The following DAB1 variants were observed in gnomAD, a reference collection of about 807,000 sequenced individuals.
The protein encoded by DAB1 is disabled homolog 1.
In DAB1, 15 loss-of-function variants were observed where a neutral mutation model predicts 64.6. That is an observed-to-expected ratio of 0.23 (90% CI 0.16 to 0.36). DAB1 has a LOEUF of 0.36. Ranked by LOEUF, DAB1 falls within the 10% of genes least tolerant of loss-of-function variation. The pLI is 1.00. For synonymous variants in DAB1, 235 were observed against 251.9 expected, an observed-to-expected ratio of 0.93 and a Z score of 0.64; for missense variants, 596 against 706.7, an observed-to-expected ratio of 0.84 and a Z score of 1.78.
At chr1:57,610,498 C>T (rs1040519237) in intron 7 of DAB1, among the ~76,000 whole-genome samples, 1 of 152,196 alleles carries the variant, frequency 6.6e-6, no homozygotes, top group Non-Finnish European at 1.5e-5. Flanking sequence ...AGTCTGGTTC[C>T]AGAACCTAGG....
chr1:57,247,186 A>C (rs548898948), intron 2 of DAB1, among the ~76,000 whole-genome samples: 1 of 152,296 alleles, frequency 6.6e-6, no homozygotes, highest in Non-Finnish European at 1.5e-5. Flanking sequence ...GTCTCCACTC[A>C]AATCTCATGT....
chr1:57,071,197 A>T, intron 6 of DAB1, 136 bp from the exon 7 acceptor site: 7 of 859,124 alleles, frequency 8.1e-6, no homozygotes, highest in Non-Finnish European at 1.3e-5. Flanking sequence ...CAAGGTAGAA[A>T]AAACACAAAA....
chr1:57,958,750 G>A (rs1645448401), intron 5 of DAB1, among the ~76,000 whole-genome samples: 1 of 152,130 alleles, frequency 6.6e-6, no homozygotes, highest in Non-Finnish European at 1.5e-5. Flanking sequence ...ATGTGATCCA[G>A]GCCTCCCTCC....
chr1:58,330,431 C>T (rs897187757), intron 4 of DAB1, among the ~76,000 whole-genome samples: 3 of 152,212 alleles, frequency 2.0e-5, no homozygotes, highest in Admixed American at 6.5e-5. Context: ...GCAGCAAGTT[C>T]TTCAGAAGAT....
intron 7 of DAB1, among the ~76,000 whole-genome samples, chr1:57,545,416 G>T (rs2101461121): frequency 6.6e-6 from 1 of 152,248 alleles, no homozygotes; most frequent in African/African-American, 2.4e-5. Context: ...TGCTATTTAG[G>T]ATGACTGATT....
chr1:57,484,339 T>C (rs1260013274), intron 7 of DAB1, among the ~76,000 whole-genome samples: 1 of 152,134 alleles, frequency 6.6e-6, no homozygotes, highest in Admixed American at 6.6e-5. Context: ...ATGATCTAAT[T>C]TACCTGTTGT....
rs144422526 is a variant in DAB1, at chr1:57,195,161, T to C, written c.68-49732A>G. Reference sequence around the variant, plus strand: ...TGCTACTGCTGACATAGCACTCTTATTCCTTCATCCATCCATCATGTATTC... The same window carrying C: ...TGCTACTGCTGACATAGCACTCTTACTCCTTCATCCATCCATCATGTATTC... On this transcript the variant is annotated intron_variant, in intron 2 of 14. Coordinates refer to ENST00000371236, the MANE Select transcript of DAB1 (RefSeq NM_001365792.1). 1.4e-4 allele frequency among the ~76,000 whole-genome samples: 21 copies of C among 152,320 alleles called. No homozygotes were observed. In the East Asian group the frequency reaches 3.9e-3, roughly 28 times the overall value.
chr1:57,087,320 G>A (rs776016104), intron 4 of DAB1, among the ~76,000 whole-genome samples: 1 of 152,236 alleles, frequency 6.6e-6, no homozygotes, highest in Non-Finnish European at 1.5e-5. Context: ...TGGGCTGGGG[G>A]ATCACGTAAT....
chr1:57,171,505 ATAATGT>A (rs1181601492), intron 2 of DAB1, among the ~76,000 whole-genome samples: 1 of 132,228 alleles, frequency 7.6e-6, no homozygotes, highest in Non-Finnish European at 1.8e-5. Context: ...GACACTTTAA[ATAATGT>A]TGTTTCAAAA....
At chr1:57,968,237 T>C (rs555806993) in intron 5 of DAB1, among the ~76,000 whole-genome samples, 1 of 152,280 alleles carries the variant, frequency 6.6e-6, no homozygotes, top group East Asian at 1.9e-4. Context: ...CCACTGCTTG[T>C]TGCTTTGCTG....
At chr1:57,650,961 T>C (rs1003028765) in intron 6 of DAB1, among the ~76,000 whole-genome samples, 3 of 152,154 alleles carry the variant, frequency 2.0e-5, no homozygotes, top group Non-Finnish European at 4.4e-5. Flanking sequence ...GTTTGCTGCC[T>C]AAGGGAGGAA....
rs1553173934 is a variant in DAB1 at position 58,300,641 on chromosome 1, AG to A, written n.309+42710del. Among the ~76,000 whole-genome samples, 410 of 58,164 alleles carry A rather than the reference AG, an allele frequency of 7.0e-3. 15 individuals carry two copies. The highest frequency in any genetic ancestry group is 9.2e-3 in the Admixed American group (50 of 5,444). 38.2% of individuals were successfully genotyped at this position (58,164 alleles called of 152,430 possible). Reference sequence around the variant, plus strand: ...GAGAGAGAGAGAGAGAGAGAGAGAGAGAGAGAGGAAGGAAGGAAGGAAGGAA... The same window carrying A: ...GAGAGAGAGAGAGAGAGAGAGAGAGAAGAGAGGAAGGAAGGAAGGAAGGAA... On this transcript the variant is annotated intron_variant and non_coding_transcript_variant, in intron 4 of 20. Transcript: ENST00000485760.
chr1:57,915,744 C>T (rs1644717350), intron 5 of DAB1, among the ~76,000 whole-genome samples: 1 of 152,130 alleles, frequency 6.6e-6, no homozygotes, highest in Non-Finnish European at 1.5e-5. Context: ...GGGAAAGGGG[C>T]CCAAACAGCC....
chr1:57,420,385 C>T (rs757672998), intron 1 of DAB1, among the ~76,000 whole-genome samples: 30 of 152,272 alleles, frequency 2.0e-4, no homozygotes, highest in Non-Finnish European at 3.1e-4. Context: ...CTTCCTGTGC[C>T]CCAGTTTCCT....
chr1:57,709,235 C>T (rs1018229695), intron 6 of DAB1, among the ~76,000 whole-genome samples: 4 of 152,196 alleles, frequency 2.6e-5, no homozygotes, highest in African/African-American at 9.6e-5. Flanking sequence ...TTCCAGTTCA[C>T]TAGTTATATT....
Position 57,156,170 on chromosome 1 carries a change from C to T in DAB1, c.68-10741G>A, listed in dbSNP as rs143880807. Among the ~76,000 whole-genome samples the T allele has an allele frequency of 2.6e-5, 4 of 151,104 alleles. No homozygotes were observed. The East Asian group carries it at 5.9e-4, about 22-fold the overall frequency. On this transcript the variant is annotated intron_variant, in intron 2 of 14. Transcript: ENST00000371236. ...TCCGCTTTCACCCTCTAATCCATGC[C>T]CCACACTGCTTCCAAAAAGATCCAC...
At chr1:57,745,464 C>T (rs12122096) in intron 6 of DAB1, among the ~76,000 whole-genome samples, 66,895 of 151,666 alleles carry the variant, frequency 0.44, 14,928 homozygotes, top group Admixed American at 0.49. Flanking sequence ...CCAGAGATCA[C>T]TTGGATTGTT....
At chr1:57,886,738 G>T (rs1644229295), upstream of DAB1, among the ~76,000 whole-genome samples, 1 of 152,126 alleles carries the variant, frequency 6.6e-6, no homozygotes, top group Admixed American at 6.5e-5. Flanking sequence ...ATTTAAACTT[G>T]TAGACTTTGG....
chr1:58,018,206 C>T (rs765265864), intron 5 of DAB1, among the ~76,000 whole-genome samples: 2 of 152,132 alleles, frequency 1.3e-5, no homozygotes, highest in Admixed American at 1.3e-4. Flanking sequence ...TGTCTGTACC[C>T]TGCCCTTACT....
Sources: allele counts gnomAD v4.1 joint callset (sites outside exome capture counted in the v4.1 genomes callset), GRCh38; gene constraint gnomAD v4.1.1; transcripts MANE v1.5; gene names NCBI Gene and HGNC (gene_info 2026-07-23, HGNC 2026-07-21).